Variants in CDK14 observed in about 807,000 individuals in gnomAD.
CDK14 encodes the protein cyclin-dependent kinase 14.
Under a neutral mutation model 60.7 loss-of-function variants are expected in CDK14, and 34 were observed. The ratio of observed to expected loss-of-function variants is 0.56; its 90% CI spans 0.43 to 0.75. CDK14 has a LOEUF of 0.75. Ranked by LOEUF, CDK14 falls within the 30% of genes least tolerant of loss-of-function variation. CDK14 has a pLI of 0.00. For missense variants in CDK14, 482 were observed against 564.1 expected, an observed-to-expected ratio of 0.85 and a Z score of 1.47; for synonymous variants, 197 against 203.7, an observed-to-expected ratio of 0.97 and a Z score of 0.28.
At chr7:91,034,270 G>A (rs567420735) in intron 10 of CDK14, among the ~76,000 whole-genome samples, 1 of 152,280 alleles carries the variant, frequency 6.6e-6, no homozygotes, top group Admixed American at 6.5e-5. Flanking sequence ...GAATCACTGA[G>A]GAGGTTTAGA....
At chr7:91,053,022 T>C (rs938136090) in intron 11 of CDK14, among the ~76,000 whole-genome samples, 1 of 152,104 alleles carries the variant, frequency 6.6e-6, no homozygotes, top group Admixed American at 6.5e-5. Flanking sequence ...AAGCCGTCTC[T>C]TTAAGTCCTT....
intron 6 of CDK14, among the ~76,000 whole-genome samples, chr7:90,868,286 A>G (rs994302832): frequency 2.7e-5 from 4 of 147,152 alleles, no homozygotes; most frequent in Non-Finnish European, 6.0e-5. Flanking sequence ...ATGTATATAT[A>G]CACACTATAT....
At chr7:90,621,179 A>G (rs1208922892) in intron 2 of CDK14, among the ~76,000 whole-genome samples, 1 of 152,072 alleles carries the variant, frequency 6.6e-6, no homozygotes, top group Non-Finnish European at 1.5e-5. Flanking sequence ...GGGAGGGAAA[A>G]TCTCCCTGTA....
intron 5 of CDK14, among the ~76,000 whole-genome samples, chr7:90,793,983 A>G (rs566215010): frequency 6.6e-6 from 1 of 152,142 alleles, no homozygotes; most frequent in Non-Finnish European, 1.5e-5. Flanking sequence ...ATTCAACATG[A>G]GTCCTTTTCT....
At chr7:90,933,786 C>T (rs1205331483) in intron 8 of CDK14, among the ~76,000 whole-genome samples, 1 of 152,130 alleles carries the variant, frequency 6.6e-6, no homozygotes, top group African/African-American at 2.4e-5. Flanking sequence ...ATTTCATAAT[C>T]CTCCACTAGT....
intron 2 of CDK14, among the ~76,000 whole-genome samples, chr7:90,683,218 C>G (rs1386041833): frequency 6.6e-6 from 1 of 151,970 alleles, no homozygotes; most frequent in Non-Finnish European, 1.5e-5. Flanking sequence ...CCTATATTTT[C>G]TTTCTTTCTT....
intron 14 of CDK14, among the ~76,000 whole-genome samples, chr7:91,159,009 T>A (rs1211755144): frequency 6.6e-6 from 1 of 152,238 alleles, no homozygotes; most frequent in African/African-American, 2.4e-5. Context: ...AGAAAAAATG[T>A]CTATTTCAAT....
At position 90,971,653 on chromosome 7, in the gene CDK14, T is replaced by TAAAAAAAAAAAAAAAA; in HGVS notation, c.948-12492_948-12477dup. Among the ~76,000 whole-genome samples, 2 of 119,540 alleles carry TAAAAAAAAAAAAAAAA rather than the reference T, an allele frequency of 1.7e-5. 1 individual carries two copies. The allele number at this position is 119,540 out of a possible 152,430, so 78.4% of individuals were successfully genotyped here. A position where few individuals can be genotyped will look rare whatever the true frequency, so the allele number is the denominator to read the frequency against. On this transcript the variant is annotated intron_variant, in intron 9 of 14. Transcript: ENST00000380050. ...CAACTTGATGACTGCATATACATAG[T>TAAAAAAAAAAAAAAAA]AAAAAAAAAAAAAAAAAAGGCAAAA...
intron 2 of CDK14, among the ~76,000 whole-genome samples, chr7:90,664,180 A>G (rs1382434069): frequency 6.6e-6 from 1 of 152,272 alleles, no homozygotes; most frequent in East Asian, 1.9e-4. Flanking sequence ...CAAAAAACAC[A>G]TGAAAAAATG....
chr7:91,098,681 G>A (rs1799078311), intron 12 of CDK14, among the ~76,000 whole-genome samples: 1 of 152,032 alleles, frequency 6.6e-6, no homozygotes, highest in African/African-American at 2.4e-5. Context: ...AAATAAACAT[G>A]TGAAGAAAGA....
intron 1 of CDK14, among the ~76,000 whole-genome samples, chr7:90,599,819 A>G (rs775838217): frequency 1.1e-4 from 16 of 152,350 alleles, no homozygotes; most frequent in East Asian, 5.8e-4. Flanking sequence ...GTACAATACT[A>G]TTATTTAGCT....
intron 10 of CDK14, among the ~76,000 whole-genome samples, chr7:90,999,090 G>A (rs116992724): frequency 2.1e-3 from 318 of 152,024 alleles, no homozygotes; most frequent in Non-Finnish European, 4.0e-3. Flanking sequence ...CCATCATGGG[G>A]GAGTTTATCT....
chr7:90,882,262 C>CTAAAA, intron 6 of CDK14, among the ~76,000 whole-genome samples: 1 of 116,598 alleles, frequency 8.6e-6, no homozygotes, highest in Non-Finnish European at 1.7e-5. Context: ...AAATGGAAAG[C>CTAAAA]AAAAAAAAAA....
At chr7:91,097,788 T>C (rs1362433566) in intron 12 of CDK14, among the ~76,000 whole-genome samples, 1 of 152,110 alleles carries the variant, frequency 6.6e-6, no homozygotes, top group African/African-American at 2.4e-5. Flanking sequence ...GGGTGTGTAG[T>C]ATAAGGGAGA....
intron 5 of CDK14, among the ~76,000 whole-genome samples, chr7:90,833,014 A>G (rs1712315813): frequency 6.6e-6 from 1 of 152,176 alleles, no homozygotes; most frequent in African/African-American, 2.4e-5. Flanking sequence ...TCATGTCAGC[A>G]CTTAGCTGTC....
At chr7:90,785,752 A>G (rs6961450) in intron 4 of CDK14, among the ~76,000 whole-genome samples, 10,762 of 136,446 alleles carry the variant, frequency 0.079, 488 homozygotes, top group South Asian at 0.12. Flanking sequence ...ATGCCATTGC[A>G]CCCCAGCCTG....
intron 9 of CDK14, among the ~76,000 whole-genome samples, chr7:90,960,444 TA>T (rs1794568175): frequency 6.6e-6 from 1 of 152,172 alleles, no homozygotes; most frequent in Admixed American, 6.6e-5. Context: ...CTGTCAAATG[TA>T]ATGAGATTGC....
chr7:90,894,494 A>G (rs1339792855), intron 6 of CDK14, among the ~76,000 whole-genome samples: 1 of 152,180 alleles, frequency 6.6e-6, no homozygotes, highest in Non-Finnish European at 1.5e-5. Flanking sequence ...GTTTTCCCAG[A>G]TCTCATTTCT....
At chr7:91,190,251 G>C (rs1458109639) in intron 14 of CDK14, among the ~76,000 whole-genome samples, 1 of 152,144 alleles carries the variant, frequency 6.6e-6, no homozygotes, top group Non-Finnish European at 1.5e-5. Context: ...ACCTTGGAAA[G>C]GGGAGGAAAT....
Sources: allele counts gnomAD v4.1 joint callset (sites outside exome capture counted in the v4.1 genomes callset), GRCh38; gene constraint gnomAD v4.1.1; transcripts MANE v1.5; gene names NCBI Gene and HGNC (gene_info 2026-07-23, HGNC 2026-07-21).